The following RYR1 variants were observed in gnomAD, a reference collection of about 807,000 sequenced individuals.
The protein encoded by RYR1 is central core disease of muscle.
Under a neutral mutation model 583.5 loss-of-function variants are expected in RYR1, and 342 were observed. The ratio of observed to expected loss-of-function variants is 0.59; its 90% CI spans 0.54 to 0.64. The LOEUF (loss-of-function observed/expected upper bound fraction) is 0.64, where lower values mean the gene tolerates loss of function less well. Ranked by LOEUF, RYR1 falls within the 30% of genes least tolerant of loss-of-function variation. The pLI is 0.00. For synonymous variants in RYR1, 2,791 were observed against 2,822.5 expected (o/e 0.99, Z 0.35); for missense variants, 6,032 against 6,917.2 (o/e 0.87, Z 4.54).
intron 63 of RYR1, among the ~76,000 whole-genome samples, chr19:38,514,374 G>A (rs1408793190): frequency 1.3e-5 from 2 of 150,108 alleles, no homozygotes; most frequent in Non-Finnish European, 2.9e-5. Context: ...TCTGCCTCCC[G>A]GGTTCAAGTG....
intron 18 of RYR1, 46 bp downstream of exon 18, chr19:38,458,338 C>T (rs774123294): frequency 1.3e-6 from 2 of 1,586,872 alleles, no homozygotes; most frequent in Non-Finnish European, 1.7e-6. Flanking sequence ...CCATTGACCC[C>T]AGCATTTCTA....
chr19:38,564,420 G>A (rs1341121043), intron 90 of RYR1, among the ~76,000 whole-genome samples: 1 of 152,174 alleles, frequency 6.6e-6, no homozygotes, highest in Non-Finnish European at 1.5e-5. Context: ...AGCTACTCAG[G>A]AGGCCGAGGC....
intron 100 of RYR1, 116 bp from the exon 101 acceptor site, chr19:38,580,254 G>T (rs907563733): frequency 1.9e-6 from 3 of 1,588,504 alleles, no homozygotes; most frequent in Non-Finnish European, 2.6e-6. Flanking sequence ...AGCCGGGGGT[G>T]TGTGGGGCAG....
intron 63 of RYR1, among the ~76,000 whole-genome samples, chr19:38,514,263 C>T (rs1005716287): frequency 4.7e-5 from 7 of 148,522 alleles, no homozygotes; most frequent in African/African-American, 1.8e-4. Flanking sequence ...GACCCCATCT[C>T]TAAAAAAATT....
intron 74 of RYR1, 61 bp downstream of exon 74, chr19:38,528,479 C>A: frequency 6.2e-7 from 1 of 1,600,668 alleles, no homozygotes; most frequent in Non-Finnish European, 8.6e-7. Context: ...GCTGGAGAGT[C>A]TGGAGAATGG....
In RYR1 at chr19:38,499,573, G is replaced by A; in HGVS notation, c.7028-62G>A. On this transcript the variant is annotated intron_variant, in intron 43 of 105. Transcript: ENST00000359596. This position sits in a 1 kb window ranked among gnomAD's most constrained non-coding sequence, Gnocchi z 7.3. ...ACCCCTGGAGGTGTTGGGTCCTGGG[G>A]CTGCATGGGGAGGTCTCTGATGGTG... is the stretch of plus-strand genomic sequence containing the variant. 6.4e-7 allele frequency: 1 copy of A among 1,569,086 alleles called. No homozygotes were observed. Among genetic ancestry groups the A allele is most frequent in the African/African-American group, 1.3e-5 (1 of 74,328 alleles).
At chr19:38,490,475 G>C in intron 36 of RYR1, 146 bp from the exon 37 acceptor site, 1 of 793,270 alleles carries the variant, frequency 1.3e-6, no homozygotes, top group Admixed American at 2.0e-5. Context: ...CAAACCTCTG[G>C]CCCTAGTCTC....
intron 101 of RYR1, among the ~76,000 whole-genome samples, chr19:38,584,408 C>A (rs1208342177): frequency 7.2e-6 from 1 of 138,432 alleles, no homozygotes; most frequent in Non-Finnish European, 1.6e-5. Context: ...CAGCCTGTAC[C>A]CTCCATCCTG....
At position 38,500,549 on chromosome 19, in the gene RYR1, C is replaced by A; in HGVS notation, c.7324-57C>A. Reference sequence around the variant, plus strand: ...GTGGTAAGGGAGGGAGCAGAGCAGTCACTGAGTGGGGCACCAGCGCCTGAT... The same window carrying A: ...GTGGTAAGGGAGGGAGCAGAGCAGTAACTGAGTGGGGCACCAGCGCCTGAT... On this transcript the variant is annotated intron_variant, in intron 45 of 105. Transcript: ENST00000359596. This position sits in a 1 kb window ranked among gnomAD's most constrained non-coding sequence, Gnocchi z 5.9. The A allele has an allele frequency of 1.2e-6, 2 of 1,610,168 alleles. No individual in the cohort carries two copies. Among genetic ancestry groups the A allele is most frequent in the South Asian group, 2.2e-5 (2 of 90,880 alleles).
At chr19:38,464,159 C>T (rs1290044646) in intron 22 of RYR1, among the ~76,000 whole-genome samples, 4 of 151,560 alleles carry the variant, frequency 2.6e-5, no homozygotes, top group Non-Finnish European at 5.9e-5. Flanking sequence ...CCTCTGTAAT[C>T]CCAGCTCCTC....
chr19:38,538,147 C>T (rs981918720), intron 84 of RYR1, among the ~76,000 whole-genome samples, 187 bp downstream of exon 84: 3 of 152,204 alleles, frequency 2.0e-5, no homozygotes, highest in African/African-American at 7.2e-5. Context: ...CCTATAATCA[C>T]AGCACTTTGG....
chr19:38,464,375 AAG>A (rs1275100957), intron 22 of RYR1, among the ~76,000 whole-genome samples: 3 of 151,648 alleles, frequency 2.0e-5, no homozygotes, highest in South Asian at 2.1e-4. Flanking sequence ...TGGGGATGGA[AAG>A]AGAGAGAGAT....
Position 38,561,061 on chromosome 19 carries a change from A to T in RYR1, c.12283-52A>T. The stretch of plus-strand genomic sequence containing the variant: ...GTCTTAAAAAAAAAAAAAAAAAGAG[A>T]GAGAATTGAGGCTCTCCAGGTCACC... On this transcript the variant is annotated intron_variant, in intron 89 of 105. Transcript: ENST00000359596. The surrounding 1 kb of genome is among the most constrained non-coding windows in gnomAD (Gnocchi z 4.8). The T allele has an allele frequency of 1.9e-5, 25 of 1,325,804 alleles. No homozygotes were observed. Among genetic ancestry groups the T allele is most frequent in the Non-Finnish European group, 2.5e-5 (24 of 949,344 alleles). The allele number at this position is 1,325,804 out of a possible 1,614,324, so 82.1% of individuals were successfully genotyped here.
At chr19:38,507,230 T>C (rs908367302) in intron 57 of RYR1, among the ~76,000 whole-genome samples, 1 of 79,100 alleles carries the variant, frequency 1.3e-5, no homozygotes, top group South Asian at 4.2e-4. Context: ...GGCCAGAGAG[T>C]GGAGGAGACT....
In RYR1 at chr19:38,500,945, C is replaced by T. The variant is rs778952441; in HGVS notation, c.7569C>T (p.Asp2523=). 3.7e-6 allele frequency: 6 copies of T among 1,612,806 alleles called. No individual in the cohort carries two copies. Among genetic ancestry groups the T allele is most frequent in the East Asian group, 2.2e-5 (1 of 44,814 alleles). ...AGGACTTCTTGCTGCACGTGCTGGA[C>T]GTGGGGTTCCTGCCCGACATGAGGG... The part of the protein sequence containing the change: ...ENQDFLLHVL[D]VGFLPDMRAA... The change falls in exon 47 of 106, where the codon GAC becomes GAT. Residue 2523 remains aspartate (D), a synonymous_variant. Coordinates refer to ENST00000359596, the MANE Select transcript of RYR1 (RefSeq NM_000540.3). The surrounding 1 kb of genome is among the most constrained non-coding windows in gnomAD (Gnocchi z 5.9).
chr19:38,586,510 T>C lies in RYR1; in HGVS notation c.14970-15T>C, dbSNP rs1263551661. ...GGTGGTTCTGACTTGTCTCCTGTGG[T>C]CCTCTCACCCTCAGGTTTTTCCTGA... On this transcript the variant is annotated splice_polypyrimidine_tract_variant and intron_variant, in intron 104 of 105. Transcript: ENST00000359596. 1 of 1,612,712 alleles carries C rather than the reference T, an allele frequency of 6.2e-7. No individual in the cohort carries two copies. Among genetic ancestry groups the C allele is most frequent in the African/African-American group, 1.3e-5 (1 of 74,870 alleles).
At chr19:38,584,323 C>T (rs1192552065) in intron 101 of RYR1, among the ~76,000 whole-genome samples, 1 of 114,322 alleles carries the variant, frequency 8.7e-6, no homozygotes. Flanking sequence ...CGGCCCTCAT[C>T]CCTCCGTCTG....
chr19:38,550,716 G>GT (rs1972628253), intron 89 of RYR1, among the ~76,000 whole-genome samples: 1 of 151,982 alleles, frequency 6.6e-6, no homozygotes, highest in South Asian at 2.1e-4. Context: ...GGATGGCTTG[G>GT]TTAACTCGGT....
At chr19:38,567,307 CA>C (rs1376394912) in intron 92 of RYR1, among the ~76,000 whole-genome samples, 1 of 151,856 alleles carries the variant, frequency 6.6e-6, no homozygotes, top group Non-Finnish European at 1.5e-5. Context: ...GCCTGGGTGA[CA>C]GAGCAAGACC....
Sources: allele counts gnomAD v4.1 joint callset (sites outside exome capture counted in the v4.1 genomes callset), GRCh38; gene constraint gnomAD v4.1.1; non-coding constraint Gnocchi (gnomAD v3.1); transcripts MANE v1.5; gene names NCBI Gene and HGNC (gene_info 2026-07-23, HGNC 2026-07-21).